Variants in PRR14L observed in about 807,000 individuals in gnomAD.
The protein encoded by PRR14L is protein PRR14L.
In PRR14L, 80 loss-of-function variants were observed where a neutral mutation model predicts 155.0. The observed-to-expected ratio is 0.52, with a 90% CI of 0.43 to 0.62. The LOEUF is 0.62. Among genes scored for constraint, PRR14L ranks in the 20% least tolerant of loss-of-function variants. The pLI, the probability that PRR14L is intolerant of heterozygous loss-of-function variation, is 0.00. For synonymous variants in PRR14L, 883 were observed against 916.0 expected, an observed-to-expected ratio of 0.96 and a Z score of 0.65; for missense variants, 2,469 against 2,548.0, an observed-to-expected ratio of 0.97 and a Z score of 0.67.
Position 31,716,762 on chromosome 22 carries a change from T to C in PRR14L, c.1077A>G (p.Leu359=). ...CACCACCTTCAAAACCACAGTTTTC[T>C]AAGGATATTGTTCTGGATTCTGGAC... ...LSGPESRTIS[L]ENCGFEGGGL... is the part of the protein sequence containing the mutation. Residue 359 remains leucine (L), a synonymous_variant, in exon 4 of 9, where the codon TTA becomes TTG. Transcript: ENST00000327423. 6.4e-7 allele frequency: 1 copy of C among 1,551,838 alleles called. No individual in the cohort carries two copies. Among genetic ancestry groups the C allele is most frequent in the Admixed American group, 2.0e-5 (1 of 50,996 alleles).
rs1283249491 is a variant in PRR14L at position 31,681,613 on chromosome 22, T to C, written c.*3914A>G. On this transcript the variant is annotated 3_prime_UTR_variant, in exon 9 of 9. Coordinates refer to ENST00000327423, the MANE Select transcript of PRR14L (RefSeq NM_173566.3). ...ATCCAATTCAGCACCAGAGAGGGGC[T>C]TGTGAAGACACACAATCAACAAACA... 1 of 152,100 alleles carries C rather than the reference T, an allele frequency of 6.6e-6. No homozygotes were observed. The highest frequency in any genetic ancestry group is 1.5e-5 in the Non-Finnish European group (1 of 68,026). 9.4% of individuals were successfully genotyped at this position (152,100 alleles called of 1,614,324 possible).
At chr22:31,745,843 T>TAAA (rs755650797) in intron 1 of PRR14L, among the ~76,000 whole-genome samples, 20 of 133,766 alleles carry the variant, frequency 1.5e-4, no homozygotes, top group African/African-American at 5.2e-4. Context: ...AGACTCAGTT[T>TAAA]AAAAAAAAAA....
intron 6 of PRR14L, 77 bp downstream of exon 6, chr22:31,703,473 G>C: frequency 7.2e-7 from 1 of 1,379,862 alleles, no homozygotes; most frequent in Non-Finnish European, 1.0e-6. Context: ...CCAGTCTGTA[G>C]CTATAATGCG....
rs1355119401 is a variant in PRR14L at position 31,714,006 on chromosome 22, G to A, written c.3833C>T (p.Thr1278Ile). 5.2e-6 allele frequency: 8 copies of A among 1,551,342 alleles called. No homozygotes were observed. The Admixed American group carries it at 1.6e-4, about 30-fold the overall frequency. ...TATTTCCTTCATCTCAGGAAGGACT[G>A]TGCAGTCCTTTACATTTTCACAAAG... Reference protein sequence around the residue: ...EMLCENVKDCTVLPEMKEIVS... With the variant: ...EMLCENVKDCIVLPEMKEIVS... Residue 1278 changes from threonine to isoleucine, a missense_variant, in exon 4 of 9, where the codon ACA (threonine) becomes ATA (isoleucine). Thr to Ile is a moderately conservative substitution (Grantham distance 89, BLOSUM62 -1). This residue lies in a region of PRR14L where 2,363 missense variants were observed against 2,371.6 expected (regional missense o/e 1.00). Coordinates refer to ENST00000327423, the MANE Select transcript of PRR14L (RefSeq NM_173566.3).
Position 31,712,865 on chromosome 22 carries a change from T to G in PRR14L, c.4974A>C (p.Arg1658Ser). The part of the protein sequence containing the change: ...AKSYKRLRYK[R>S]LLDGFSSSTE... ...TGCTGGATGAAAATCCGTCCAGGAG[T>G]CTTTTATATCTGAGGCGCTTGTAGC... Residue 1658 changes from arginine to serine, a missense_variant, in exon 4 of 9, where the codon AGA (arginine) becomes AGC (serine). Arg to Ser is a moderately radical substitution (Grantham distance 110). Transcript: ENST00000327423. The G allele has an allele frequency of 6.4e-7, 1 of 1,551,724 alleles. No homozygotes were observed. The highest frequency in any genetic ancestry group is 8.7e-7 in the Non-Finnish European group (1 of 1,147,016).
intron 7 of PRR14L, among the ~76,000 whole-genome samples, chr22:31,700,989 G>A (rs935239489): frequency 6.7e-6 from 1 of 148,590 alleles, no homozygotes; most frequent in African/African-American, 2.5e-5. Flanking sequence ...TAAGTTTGGC[G>A]ATTTTTTTTT....
At position 31,682,477 on chromosome 22, in the gene PRR14L, G is replaced by A. The variant is rs1204604790; in HGVS notation, c.*3050C>T. The A allele has an allele frequency of 6.6e-6, 1 of 152,072 alleles. No homozygotes were observed. Among genetic ancestry groups the A allele is most frequent in the East Asian group, 1.9e-4 (1 of 5,188 alleles). 9.4% of individuals were successfully genotyped at this position (152,072 alleles called of 1,614,324 possible). On this transcript the variant is annotated 3_prime_UTR_variant, in exon 9 of 9. Transcript: ENST00000327423. ...AAAGTGGACATGATCTGCTTTAACA[G>A]GAGATGAGGTACAGCTGAACTCATG...
chr22:31,733,284 C>T (rs376461829), intron 2 of PRR14L, among the ~76,000 whole-genome samples: 31 of 148,316 alleles, frequency 2.1e-4, no homozygotes, highest in African/African-American at 6.7e-4. Flanking sequence ...TGTGAGCCAC[C>T]GCGCCTGGCC....
intron 3 of PRR14L, among the ~76,000 whole-genome samples, chr22:31,722,699 T>C (rs1372295076): frequency 6.6e-6 from 1 of 151,844 alleles, no homozygotes; most frequent in Non-Finnish European, 1.5e-5. Context: ...ATTTTGTTTT[T>C]TTTCTTGTAT....
chr22:31,740,881 C>A (rs908695644), intron 1 of PRR14L, among the ~76,000 whole-genome samples: 5 of 152,102 alleles, frequency 3.3e-5, no homozygotes, highest in African/African-American at 1.2e-4. Flanking sequence ...GTGGCTCACA[C>A]CTGTAATCCC....
intron 7 of PRR14L, among the ~76,000 whole-genome samples, chr22:31,691,627 G>A (rs529265187): frequency 6.6e-6 from 1 of 152,254 alleles, no homozygotes; most frequent in East Asian, 1.9e-4. Flanking sequence ...TGTCTCTAAG[G>A]ATTCTAGACT....
At position 31,748,262 on chromosome 22, in the gene PRR14L, A is replaced by G. The variant is rs544735426; in HGVS notation, c.-52+1731T>C. Among the ~76,000 whole-genome samples, 9 of 152,366 alleles carry G rather than the reference A, an allele frequency of 5.9e-5. No homozygotes were observed. In the South Asian group the frequency reaches 1.9e-3, roughly 32 times the overall value. ...ATGGGCCTCTTCTTGAGAAACAAAG[A>G]AAGAAGAGTTTTTTAATAAAATCCC... On this transcript the variant is annotated intron_variant, in intron 1 of 8. Coordinates refer to ENST00000327423, the MANE Select transcript of PRR14L (RefSeq NM_173566.3).
chr22:31,697,749 C>G (rs2074542385), intron 7 of PRR14L, among the ~76,000 whole-genome samples: 1 of 152,012 alleles, frequency 6.6e-6, no homozygotes, highest in African/African-American at 2.4e-5. Flanking sequence ...GCCTGTAGTC[C>G]CAGCTACTCA....
In PRR14L at chr22:31,703,594, C is replaced by A; in HGVS notation, c.5956G>T (p.Ala1986Ser). 1 of 1,614,036 alleles carries A rather than the reference C, an allele frequency of 6.2e-7. No homozygotes were observed. Residue 1986 changes from alanine (A) to serine (S), a missense_variant, in exon 6 of 9, where the codon GCA becomes TCA. Ala to Ser is a moderately conservative substitution (Grantham distance 99). Transcript: ENST00000327423. The stretch of plus-strand genomic sequence containing the variant: ...CTGCTCTGTGGGCAGGGGCATGCTG[C>A]TTTCACACCATCCAGCTCATCCAAT... ...RGLDELDGVK[A>S]ACPCPQSSPP... is the part of the protein sequence containing the mutation.
intron 1 of PRR14L, among the ~76,000 whole-genome samples, chr22:31,743,734 G>A (rs189152383): frequency 3.6e-4 from 55 of 151,440 alleles, no homozygotes; most frequent in East Asian, 2.2e-3. Flanking sequence ...CCTGGAAGGC[G>A]GAGGCTGCAG....
intron 1 of PRR14L, among the ~76,000 whole-genome samples, chr22:31,743,199 G>C (rs904163210): frequency 2.6e-5 from 4 of 152,156 alleles, no homozygotes; most frequent in Non-Finnish European, 5.9e-5. Context: ...CTGCTCTGGA[G>C]GCTGAGGCAG....
rs192457409 is a variant in PRR14L at position 31,750,088 on chromosome 22, G to T, written c.-147C>A. On this transcript the variant is annotated 5_prime_UTR_variant, in exon 1 of 9. Coordinates refer to ENST00000327423, the MANE Select transcript of PRR14L (RefSeq NM_173566.3). The stretch of plus-strand genomic sequence containing the variant: ...CAGGTCTACCTGAGCCTACGGAGCC[G>T]ACAGAGGCCGGGGGCGCTCCGGCCG... 4.8e-3 allele frequency: 734 copies of T among 152,656 alleles called. 5 individuals carry two copies. Among genetic ancestry groups the T allele is most frequent in the Non-Finnish European group, 6.8e-3 (463 of 68,300 alleles). The allele number at this position is 152,656 out of a possible 1,614,324, so 9.5% of individuals were successfully genotyped here.
Position 31,704,663 on chromosome 22 carries a change from A to G in PRR14L, c.5820T>C (p.Ser1940=). ...GMEATYNTSG[S]QTRLEPPFPA... ...GAGTCTCATGTGCTTACCTCGTCTG[A>G]CTGCCGCTGGTGTTATATGTAGCTT... is the stretch of plus-strand genomic sequence containing the variant. The change falls in exon 5 of 9, where the codon AGT becomes AGC. Residue 1940 remains serine (S), a synonymous_variant. Coordinates refer to ENST00000327423, the MANE Select transcript of PRR14L (RefSeq NM_173566.3). 6.2e-7 allele frequency: 1 copy of G among 1,613,840 alleles called. No individual in the cohort carries two copies. Among genetic ancestry groups the G allele is most frequent in the Non-Finnish European group, 8.5e-7 (1 of 1,179,818 alleles).
intron 2 of PRR14L, among the ~76,000 whole-genome samples, chr22:31,728,774 T>C (rs1292732323): frequency 6.7e-6 from 1 of 149,838 alleles, no homozygotes; most frequent in African/African-American, 2.5e-5. Flanking sequence ...ATACAACCAA[T>C]GTATTGTATC....
Sources: gnomAD v4.1 joint callset for allele counts (sites outside exome capture counted in the v4.1 genomes callset) on GRCh38, gnomAD v4.1.1 for gene constraint, gnomAD v4.1.1 regional missense constraint, MANE v1.5 for transcripts, NCBI Gene and HGNC (gene_info 2026-07-23, HGNC 2026-07-21) for gene names.